MZF1: variants seen among roughly 807,000 people sequenced by gnomAD.
MZF1 encodes the protein myeloid zinc finger 1.
In MZF1, 24 loss-of-function variants were observed where a neutral mutation model predicts 28.6. The observed-to-expected ratio is 0.84, with a 90% CI of 0.61 to 1.18. The LOEUF (loss-of-function observed/expected upper bound fraction) is 1.18, where lower values mean the gene tolerates loss of function less well. Ranked by LOEUF, MZF1 falls within the 50% of genes most tolerant of loss-of-function variation. MZF1 has a pLI of 0.00. For missense variants in MZF1, 1,166 were observed against 1,026.4 expected (o/e 1.14, Z -1.86); for synonymous variants, 516 against 432.5 (o/e 1.19, Z -2.40).
At chr19:58,564,902 G>GTGTTTTTTTTTTTT (rs1568680296) in intron 5 of MZF1, among the ~76,000 whole-genome samples, 1 of 41,954 alleles carries the variant, frequency 2.4e-5, no homozygotes, top group African/African-American at 7.3e-5. Context: ...CCATGTGTGT[G>GTGTTTTTTTTTTTT]TTTTTTTTTT....
At chr19:58,566,835 C>T (rs370818763) in intron 5 of MZF1, among the ~76,000 whole-genome samples, 7 of 151,694 alleles carry the variant, frequency 4.6e-5, no homozygotes, top group Non-Finnish European at 1.0e-4. Context: ...GACTCCATTT[C>T]ATAAATAAAT....
intron 3 of MZF1, 177 bp downstream of exon 3, chr19:58,570,167 C>T (rs2054131344): frequency 1.6e-6 from 1 of 627,666 alleles, no homozygotes; most frequent in South Asian, 2.1e-5. Flanking sequence ...GGGGTAGTGA[C>T]AGCACTGGCT....
At chr19:58,570,685 A>G (rs2054143269) in intron 2 of MZF1, 158 bp from the exon 3 acceptor site, 1 of 812,566 alleles carries the variant, frequency 1.2e-6, no homozygotes, top group African/African-American at 1.7e-5. Flanking sequence ...CTAGGCCCTG[A>G]GCAAAGAATG....
At chr19:58,572,626 G>C (rs1054966626) in intron 1 of MZF1, 28 of 1,289,540 alleles carry the variant, frequency 2.2e-5, no homozygotes, top group Non-Finnish European at 2.6e-5. Flanking sequence ...TGGCACCGCA[G>C]AATCATTCCC....
rs866094123 is a variant in MZF1, at chr19:58,573,116, C to G, written c.-102G>C. 1.9e-5 allele frequency: 3 copies of G among 154,954 alleles called. No individual in the cohort carries two copies. Among genetic ancestry groups the G allele is most frequent in the African/African-American group, 7.2e-5 (3 of 41,588 alleles). 9.6% of individuals were successfully genotyped at this position (154,954 alleles called of 1,614,324 possible). A position where few individuals can be genotyped will look rare whatever the true frequency, so the allele number is the denominator to read the frequency against. ...CGCGCAGTCTTCGACTTCCCCCTCCCGCTGGACTACGTCTCCCAGGATGCT... is the reference window on the plus strand; with the variant it reads ...CGCGCAGTCTTCGACTTCCCCCTCCGGCTGGACTACGTCTCCCAGGATGCT... On this transcript the variant is annotated 5_prime_UTR_variant, in exon 1 of 6. Coordinates refer to ENST00000215057, the MANE Select transcript of MZF1 (RefSeq NM_198055.2).
rs1568680296 is a variant in MZF1 at position 58,564,902 on chromosome 19, G to GTGTT, written c.773-1399_773-1398insAACA. The stretch of plus-strand genomic sequence containing the variant: ...GTGGAGAATAAGCATCCATGTGTGT[G>GTGTT]TTTTTTTTTTTTTTTTTTTTTTTTT... On this transcript the variant is annotated intron_variant, in intron 5 of 5. Coordinates refer to ENST00000215057, the MANE Select transcript of MZF1 (RefSeq NM_198055.2). Among the ~76,000 whole-genome samples the GTGTT allele has an allele frequency of 8.3e-4, 35 of 41,998 alleles. 2 individuals carry two copies. Among genetic ancestry groups the GTGTT allele is most frequent in the Non-Finnish European group, 1.1e-3 (23 of 20,268 alleles). 27.6% of individuals were successfully genotyped at this position (41,998 alleles called of 152,430 possible). A position where few individuals can be genotyped will look rare whatever the true frequency, so the allele number is the denominator to read the frequency against.
rs768785320 is a variant in MZF1, at chr19:58,562,483, G to A, written c.1794C>T (p.Ala598=). 6.2e-7 allele frequency: 1 copy of A among 1,611,168 alleles called. No homozygotes were observed. The highest frequency in any genetic ancestry group is 1.1e-5 in the South Asian group (1 of 90,808). Residue 598 remains alanine (A), a synonymous_variant, in exon 6 of 6, where the codon GCC becomes GCT. Transcript: ENST00000215057. ...LRVHTGEKPF[A]CPECGQRFSQ... ...TGAAGCGCTGGCCACACTCGGGGCA[G>A]GCAAAGGGTTTCTCGCCCGTGTGTA... is the stretch of plus-strand genomic sequence containing the variant.
rs777612039 is a variant in MZF1, at chr19:58,562,959, A to T, written c.1318T>A (p.Phe440Ile). 3.1e-6 allele frequency: 5 copies of T among 1,600,474 alleles called. No homozygotes were observed. Among genetic ancestry groups the T allele is most frequent in the Non-Finnish European group, 4.2e-6 (5 of 1,178,618 alleles). Residue 440 changes from phenylalanine (F) to isoleucine (I), a missense_variant, in exon 6 of 6, where the codon TTC becomes ATC. By Grantham distance (21) the Phe-to-Ile change is conservative. Coordinates refer to ENST00000215057, the MANE Select transcript of MZF1 (RefSeq NM_198055.2). The stretch of plus-strand genomic sequence containing the variant: ...CTCTGGCCGCACTCAGCGCAACGGA[A>T]AGGCTGTTCGCCCGTGTGCACTCTC... ...HRRVHTGEQP[F>I]RCAECGQSFR...
chr19:58,562,787 C>T lies in MZF1; in HGVS notation c.1490G>A (p.Arg497His). The change falls in exon 6 of 6, where the codon CGC (arginine) becomes CAC (histidine). Residue 497 changes from arginine to histidine, a missense_variant. Physicochemically the swap from Arg to His is conservative, Grantham distance 29 (BLOSUM62 0). Transcript: ENST00000215057. ...CGCCTGGTGCTCCAGCAGCACGGCGCGCCGCGCGAAGCTCTCGCGGCACTC... is the reference window on the plus strand; with the variant it reads ...CGCCTGGTGCTCCAGCAGCACGGCGTGCCGCGCGAAGCTCTCGCGGCACTC... ...CSECRESFAR[R>H]AVLLEHQAVH... 6.5e-7 allele frequency: 1 copy of T among 1,534,518 alleles called. No homozygotes were observed.
Position 58,570,525 on chromosome 19 carries a change from G to C in MZF1, c.399C>G (p.Val133=). 6.2e-7 allele frequency: 1 copy of C among 1,611,216 alleles called. No homozygotes were observed. The highest frequency in any genetic ancestry group is 8.5e-7 in the Non-Finnish European group (1 of 1,178,612). Residue 133 remains valine (V), a splice_region_variant and synonymous_variant, in exon 3 of 6, where the codon GTC becomes GTG. Coordinates refer to ENST00000215057, the MANE Select transcript of MZF1 (RefSeq NM_198055.2). The part of the protein sequence containing the change: ...RREPGGPRRW[V]TVQVQGQEVL... ...CCTCCTGGCCCTGCACCTGGACTGT[G>C]ACCTGGGGAGGTGCCCCCACCATCA...
rs2054010021 is a variant in MZF1, at chr19:58,564,898, GTGTGT to G, written c.773-1399_773-1395del. Among the ~76,000 whole-genome samples the G allele has an allele frequency of 5.0e-4, 46 of 91,948 alleles. 3 individuals carry two copies. The highest frequency in any genetic ancestry group is 2.2e-3 in the African/African-American group (42 of 18,948). The allele number at this position is 91,948 out of a possible 152,430, so 60.3% of individuals were successfully genotyped here. The stretch of plus-strand genomic sequence containing the variant: ...CAGGGTGGAGAATAAGCATCCATGT[GTGTGT>G]TTTTTTTTTTTTTTTTTTTTTTTTT... On this transcript the variant is annotated intron_variant, in intron 5 of 5. Coordinates refer to ENST00000215057, the MANE Select transcript of MZF1 (RefSeq NM_198055.2).
chr19:58,572,457 A>C, intron 1 of MZF1: 12 of 990,366 alleles, frequency 1.2e-5, no homozygotes, highest in Non-Finnish European at 1.7e-5. Flanking sequence ...CCGGAACAGG[A>C]GCCTGCAAGG....
chr19:58,562,803 C>T lies in MZF1; in HGVS notation c.1474G>A (p.Glu492Lys), dbSNP rs2053958083. The change falls in exon 6 of 6, where the codon GAG becomes AAG. Residue 492 changes from glutamate (E) to lysine (K), a missense_variant. Coordinates refer to ENST00000215057, the MANE Select transcript of MZF1 (RefSeq NM_198055.2). Reference sequence around the variant, plus strand: ...AGCACGGCGCGCCGCGCGAAGCTCTCGCGGCACTCGCTGCACGGAAAGGGG... The same window carrying T: ...AGCACGGCGCGCCGCGCGAAGCTCTTGCGGCACTCGCTGCACGGAAAGGGG... ...PGPFPCSECR[E>K]SFARRAVLLE... The T allele has an allele frequency of 2.6e-6, 4 of 1,534,474 alleles. No homozygotes were observed. In the East Asian group the frequency reaches 9.8e-5, roughly 38 times the overall value.
At chr19:58,564,795 T>C (rs1418171977) in intron 5 of MZF1, among the ~76,000 whole-genome samples, 1 of 151,728 alleles carries the variant, frequency 6.6e-6, no homozygotes, top group Non-Finnish European at 1.5e-5. Context: ...TGGGGTTCTG[T>C]GTAGCTACCC....
chr19:58,570,684 G>T, intron 2 of MZF1, 157 bp from the exon 3 acceptor site: 1 of 820,320 alleles, frequency 1.2e-6, no homozygotes, highest in African/African-American at 1.7e-5. Context: ...CCTAGGCCCT[G>T]AGCAAAGAAT....
intron 5 of MZF1, among the ~76,000 whole-genome samples, chr19:58,564,900 G>GTTTTTTTTTTTTT (rs1253286923): frequency 7.2e-5 from 5 of 69,380 alleles, no homozygotes; most frequent in African/African-American, 3.6e-4. Context: ...ATCCATGTGT[G>GTTTTTTTTTTTTT]TGTTTTTTTT....
At position 58,566,905 on chromosome 19, in the gene MZF1, CT is replaced by C. The variant is rs11403633; in HGVS notation, c.772+2371del. ...AAGGCACAGTTTTATTCCCAAGACT[CT>C]TTTTTTTTTTTTTGAGACTGGGTCT... On this transcript the variant is annotated intron_variant, in intron 5 of 5. Coordinates refer to ENST00000215057, the MANE Select transcript of MZF1 (RefSeq NM_198055.2). Among the ~76,000 whole-genome samples, 405 of 145,506 alleles carry C rather than the reference CT, an allele frequency of 2.8e-3. 1 individual carries two copies. Among genetic ancestry groups the C allele is most frequent in the African/African-American group, 7.5e-3 (299 of 39,610 alleles).
intron 1 of MZF1, chr19:58,572,673 T>TG (rs1480504302): frequency 8.0e-7 from 1 of 1,256,332 alleles, no homozygotes; most frequent in East Asian, 5.6e-5. Flanking sequence ...CGCCTCATCC[T>TG]GGGGGCCAAG....
intron 3 of MZF1, 31 bp from the exon 4 acceptor site, chr19:58,569,617 G>A: frequency 6.5e-7 from 1 of 1,550,164 alleles, no homozygotes; most frequent in Non-Finnish European, 8.8e-7. Context: ...CAGGCAGCCT[G>A]AGTGAGTTTC....
Sources: gnomAD v4.1 joint callset for allele counts (sites outside exome capture counted in the v4.1 genomes callset) on GRCh38, gnomAD v4.1.1 for gene constraint, MANE v1.5 for transcripts, NCBI Gene and HGNC (gene_info 2026-07-23, HGNC 2026-07-21) for gene names.